Variants in ACSL1 observed in about 807,000 individuals in gnomAD.
The protein encoded by ACSL1 is acyl-CoA synthetase long chain family member 1.
ACSL1 carries 41 observed loss-of-function variants against 98.4 expected under a neutral mutation model. That is an observed-to-expected ratio of 0.42 (90% CI 0.32 to 0.54). ACSL1 has a LOEUF of 0.54. Among genes scored for constraint, ACSL1 ranks in the 20% least tolerant of loss-of-function variants. ACSL1 has a pLI of 0.13. For synonymous variants in ACSL1, 316 were observed against 322.7 expected (o/e 0.98, Z 0.22); for missense variants, 734 against 883.1 (o/e 0.83, Z 2.14).
chr4:184,825,150 C>T lies in ACSL1; in HGVS notation c.-33+766G>A. The T allele has an allele frequency of 2.0e-6, 2 of 984,592 alleles. No individual in the cohort carries two copies. Among genetic ancestry groups the T allele is most frequent in the Non-Finnish European group, 2.4e-6 (2 of 829,154 alleles). The allele number at this position is 984,592 out of a possible 1,614,324, so 61.0% of individuals were successfully genotyped here. A position where few individuals can be genotyped will look rare whatever the true frequency, so the allele number is the denominator to read the frequency against. ...GGACTGAGTGGGGAAGGGGTTTCCA[C>T]ACTCTCACAACGCACCGACTGGGGG... On this transcript the variant is annotated intron_variant, in intron 1 of 20. Coordinates refer to ENST00000281455, the MANE Select transcript of ACSL1 (RefSeq NM_001995.5). This position sits in a 1 kb window ranked among gnomAD's most constrained non-coding sequence, Gnocchi z 4.7.
At chr4:184,805,577 A>G in intron 1 of ACSL1, 2 of 944,246 alleles carry the variant, frequency 2.1e-6, no homozygotes, top group Non-Finnish European at 2.5e-6. Context: ...CTGCAGACAC[A>G]GAAGAGGGCA....
chr4:184,799,681 C>A (rs960740009), intron 2 of ACSL1, among the ~76,000 whole-genome samples: 9 of 152,066 alleles, frequency 5.9e-5, no homozygotes, highest in African/African-American at 2.2e-4. Flanking sequence ...GACCTCATCT[C>A]TAAAAAAATT....
At chr4:184,780,187 T>G (rs1766001506) in intron 5 of ACSL1, 145 bp downstream of exon 5, 1 of 723,102 alleles carries the variant, frequency 1.4e-6, no homozygotes. Flanking sequence ...GGTTGAGGTT[T>G]TCATATGTGT....
In ACSL1 at chr4:184,769,070, A is replaced by AATATATATATATATATATATATATATAT. The variant is rs34360556; in HGVS notation, c.994-621_994-620insATATATATATATATATATATATATATAT. Reference sequence around the variant, plus strand: ...GGCCACGGAGGGAGACTCTGTCTCAAATATATATATATATATATATATATA... The same window carrying AATATATATATATATATATATATATATAT: ...GGCCACGGAGGGAGACTCTGTCTCAAATATATATATATATATATATATATATATATATATATATATATATATATATATA... On this transcript the variant is annotated intron_variant, in intron 11 of 20. Transcript: ENST00000281455. 1.6e-4 allele frequency among the ~76,000 whole-genome samples: 24 copies of AATATATATATATATATATATATATATAT among 147,736 alleles called. 1 individual carries two copies. Among genetic ancestry groups the AATATATATATATATATATATATATATAT allele is most frequent in the African/African-American group, 3.0e-4 (12 of 39,786 alleles).
chr4:184,811,314 G>A (rs184800583), intron 1 of ACSL1, among the ~76,000 whole-genome samples: 1,548 of 151,796 alleles, frequency 0.01, 7 homozygotes, highest in South Asian at 0.015. Context: ...GGGTTTCACC[G>A]TGTTGGCCAG....
intron 5 of ACSL1, among the ~76,000 whole-genome samples, chr4:184,777,391 G>A (rs1209222174): frequency 6.6e-6 from 1 of 151,912 alleles, no homozygotes; most frequent in Non-Finnish European, 1.5e-5. Context: ...CCAGGAGGTT[G>A]AGGCTGCAGT....
intron 2 of ACSL1, among the ~76,000 whole-genome samples, chr4:184,800,141 T>A (rs577725856): frequency 1.3e-5 from 2 of 152,326 alleles, no homozygotes; most frequent in South Asian, 4.1e-4. Context: ...TGCATACTTA[T>A]TGTGGGCCAA....
Position 184,770,426 on chromosome 4 carries a change from G to A in ACSL1, c.966C>T (p.Leu322=), listed in dbSNP as rs1244158742. Reference sequence around the variant, plus strand: ...CTACAACTCTCTCAAACATATGGGCGAGAGGCAAGAAAGATATCAAAGTAT... The same window carrying A: ...CTACAACTCTCTCAAACATATGGGCAAGAGGCAAGAAAGATATCAAAGTAT... ...PDDTLISFLP[L]AHMFERVVEC... is the part of the protein sequence containing the mutation. Residue 322 remains leucine, a synonymous_variant, in exon 11 of 21, where the codon CTC becomes CTT. Coordinates refer to ENST00000281455, the MANE Select transcript of ACSL1 (RefSeq NM_001995.5). 8 of 1,613,538 alleles carry A rather than the reference G, an allele frequency of 5.0e-6. No individual in the cohort carries two copies. The highest frequency in any genetic ancestry group is 1.3e-5 in the African/African-American group (1 of 74,862).
Position 184,798,213 on chromosome 4 carries a change from G to T in ACSL1, c.195+5107C>A, listed in dbSNP as rs183280706. 6 of 152,332 alleles carry T rather than the reference G, an allele frequency of 3.9e-5. No individual in the cohort carries two copies. In the East Asian group the frequency reaches 1.2e-3, roughly 29 times the overall value. The allele number at this position is 152,332 out of a possible 1,614,324, so 9.4% of individuals were successfully genotyped here. On this transcript the variant is annotated intron_variant, in intron 2 of 20. Coordinates refer to ENST00000281455, the MANE Select transcript of ACSL1 (RefSeq NM_001995.5). The stretch of plus-strand genomic sequence containing the variant: ...AGTGAATCTGTGATAGACTAACTGG[G>T]TTAGTCACCAGAAGTAAACCTTAAT...
intron 2 of ACSL1, among the ~76,000 whole-genome samples, chr4:184,793,087 C>G (rs1210552948): frequency 2.0e-5 from 3 of 151,818 alleles, no homozygotes; most frequent in South Asian, 4.2e-4. Flanking sequence ...ACAACCCCAG[C>G]TGAATGTGTA....
At chr4:184,824,843 GAAAC>G (rs1356862330) in intron 1 of ACSL1, among the ~76,000 whole-genome samples, 1 of 151,730 alleles carries the variant, frequency 6.6e-6, no homozygotes, top group African/African-American at 2.4e-5. Flanking sequence ...AAAAAAGAAA[GAAAC>G]AATCAACCGG....
At chr4:184,790,812 C>G (rs911029084) in intron 2 of ACSL1, among the ~76,000 whole-genome samples, 1 of 152,062 alleles carries the variant, frequency 6.6e-6, no homozygotes, top group South Asian at 2.1e-4. Context: ...AACTACAGTA[C>G]AAGTCCTCCA....
At chr4:184,777,340 C>T (rs1459313256) in intron 5 of ACSL1, among the ~76,000 whole-genome samples, 1 of 152,048 alleles carries the variant, frequency 6.6e-6, no homozygotes, top group Non-Finnish European at 1.5e-5. Context: ...CACACCATGT[C>T]GCAGCTACTT....
In ACSL1 at chr4:184,768,688, T is replaced by C. The variant is rs901451609; in HGVS notation, c.994-238A>G. 5.9e-5 allele frequency among the ~76,000 whole-genome samples: 9 copies of C among 152,224 alleles called. No homozygotes were observed. In the South Asian group the frequency reaches 6.2e-4, roughly 10 times the overall value. ...GGACTCAGTAAAAAACCAGGCTATGTTGTTTTTAGTGATGACCACAGAGGT... is the reference window on the plus strand; with the variant it reads ...GGACTCAGTAAAAAACCAGGCTATGCTGTTTTTAGTGATGACCACAGAGGT... On this transcript the variant is annotated intron_variant, in intron 11 of 20. Coordinates refer to ENST00000281455, the MANE Select transcript of ACSL1 (RefSeq NM_001995.5).
chr4:184,775,598 A>G (rs541975376), intron 7 of ACSL1, among the ~76,000 whole-genome samples: 3 of 152,320 alleles, frequency 2.0e-5, no homozygotes, highest in Admixed American at 2.0e-4. Context: ...GCAGGGGCGC[A>G]CACATGCACA....
chr4:184,792,758 A>G (rs188475678), intron 2 of ACSL1, among the ~76,000 whole-genome samples: 2 of 152,260 alleles, frequency 1.3e-5, no homozygotes, highest in East Asian at 3.9e-4. Flanking sequence ...TATTTTTTGA[A>G]CAGAAATGCT....
At chr4:184,788,803 G>T in intron 2 of ACSL1, 72 bp from the exon 3 acceptor site, 1 of 1,142,952 alleles carries the variant, frequency 8.7e-7, no homozygotes, top group Non-Finnish European at 1.3e-6. Context: ...GCTAAATCAA[G>T]CTAATTAACA....
chr4:184,807,637 T>G (rs1771597270), intron 1 of ACSL1, among the ~76,000 whole-genome samples: 1 of 152,234 alleles, frequency 6.6e-6, no homozygotes, highest in Non-Finnish European at 1.5e-5. Context: ...GAAACTGAAC[T>G]GCACGGACTG....
At chr4:184,794,128 C>A (rs1222757443) in intron 2 of ACSL1, among the ~76,000 whole-genome samples, 1 of 152,216 alleles carries the variant, frequency 6.6e-6, no homozygotes, top group East Asian at 1.9e-4. Flanking sequence ...AGAGCGCCAA[C>A]CGCGTCCTTC....
Sources: allele counts gnomAD v4.1 joint callset (sites outside exome capture counted in the v4.1 genomes callset), GRCh38; gene constraint gnomAD v4.1.1; non-coding constraint Gnocchi (gnomAD v3.1); transcripts MANE v1.5; gene names NCBI Gene and HGNC (gene_info 2026-07-23, HGNC 2026-07-21).